Variants in PKN2 observed in about 807,000 individuals in gnomAD.
The protein encoded by PKN2 is protein kinase N2, also known as serine/threonine-protein kinase N2.
In PKN2, 38 loss-of-function variants were observed where a neutral mutation model predicts 119.1. The observed-to-expected ratio is 0.32, with a 90% confidence interval of 0.25 to 0.42. The LOEUF is 0.42. PKN2 is among the 10% of genes least tolerant of loss of function. PKN2 has a pLI of 1.00. For synonymous variants in PKN2, 390 were observed against 384.9 expected (o/e 1.01, Z -0.15); for missense variants, 850 against 1,165.1 (o/e 0.73, Z 3.94).
chr1:88,694,304 AC>A (rs1666445582), intron 1 of PKN2, among the ~76,000 whole-genome samples: 2 of 152,182 alleles, frequency 1.3e-5, no homozygotes, highest in South Asian at 4.1e-4. Flanking sequence ...TCCCCTGGCA[AC>A]CACTGATCTT....
chr1:88,832,796 A>G lies in PKN2; in HGVS notation c.2615A>G (p.Asp872Gly). The G allele has an allele frequency of 6.2e-7, 1 of 1,604,680 alleles. No individual in the cohort carries two copies. The highest frequency in any genetic ancestry group is 1.1e-5 in the South Asian group (1 of 90,196). The change falls in exon 20 of 22, where the codon GAT becomes GGT. Residue 872 changes from aspartate to glycine, a missense_variant. Physicochemically the swap from Asp to Gly is moderately conservative, Grantham distance 94. Coordinates refer to ENST00000370521, the MANE Select transcript of PKN2 (RefSeq NM_006256.4). The stretch of plus-strand genomic sequence containing the variant: ...GAAGTTTTTGACAGTATTGTAAATG[A>G]TGAAGTAAGGTATCCAAGGTTCTTA... Reference protein sequence around the residue: ...EEEVFDSIVNDEVRYPRFLST... With the variant: ...EEEVFDSIVNGEVRYPRFLST...
intron 2 of PKN2, among the ~76,000 whole-genome samples, chr1:88,748,342 T>G (rs1668853574): frequency 6.6e-6 from 1 of 152,220 alleles, no homozygotes; most frequent in South Asian, 2.1e-4. Flanking sequence ...CATAGAATTA[T>G]AAAGTATATA....
chr1:88,687,306 T>A (rs1351903877), intron 1 of PKN2, among the ~76,000 whole-genome samples: 1 of 152,104 alleles, frequency 6.6e-6, no homozygotes, highest in Admixed American at 6.5e-5. Flanking sequence ...TGGCTAGAGG[T>A]TTCAAGGTAT....
intron 3 of PKN2, among the ~76,000 whole-genome samples, chr1:88,766,199 A>G (rs1182834934): frequency 6.6e-6 from 1 of 152,228 alleles, no homozygotes; most frequent in Non-Finnish European, 1.5e-5. Flanking sequence ...CTAGCAAATT[A>G]TAAGCTTCAT....
intron 4 of PKN2, 22 bp downstream of exon 4, chr1:88,770,491 C>T (rs1458056522): frequency 1.6e-6 from 2 of 1,242,186 alleles, no homozygotes; most frequent in East Asian, 2.3e-5. Context: ...AATTGTCCTC[C>T]TTCTTATGAG....
intron 2 of PKN2, among the ~76,000 whole-genome samples, chr1:88,752,346 T>C (rs1008045169): frequency 1.3e-5 from 2 of 152,120 alleles, no homozygotes; most frequent in African/African-American, 4.8e-5. Flanking sequence ...ACCCCTTGCA[T>C]TTAGCTTTAC....
chr1:88,785,962 A>G, intron 7 of PKN2, 142 bp from the exon 8 acceptor site: 1 of 571,164 alleles, frequency 1.8e-6, no homozygotes, highest in Admixed American at 3.2e-5. Context: ...CTAGCCATTT[A>G]AGATTCAAAA....
chr1:88,704,048 G>A (rs1666873843), intron 1 of PKN2, among the ~76,000 whole-genome samples: 1 of 151,906 alleles, frequency 6.6e-6, no homozygotes, highest in South Asian at 2.1e-4. Context: ...TGATAAGCTT[G>A]ACATGCTGAT....
chr1:88,785,122 A>G (rs1300505907), intron 7 of PKN2, among the ~76,000 whole-genome samples: 1 of 152,150 alleles, frequency 6.6e-6, no homozygotes, highest in Non-Finnish European at 1.5e-5. Flanking sequence ...CTTCTTGTAG[A>G]ATCGTATCTT....
intron 1 of PKN2, among the ~76,000 whole-genome samples, chr1:88,718,828 C>T (rs906915642): frequency 1.3e-5 from 2 of 151,996 alleles, no homozygotes; most frequent in Admixed American, 1.3e-4. Context: ...CATTTCTTCC[C>T]TGTTTATTAT....
At chr1:88,684,682 C>T (rs991369616) in intron 1 of PKN2, 54 bp downstream of exon 1, 34 of 1,427,592 alleles carry the variant, frequency 2.4e-5, no homozygotes, top group Admixed American at 5.8e-5. Context: ...GGGAGAGAGC[C>T]CCGCGCGGCG....
intron 15 of PKN2, 28 bp from the exon 16 acceptor site, chr1:88,813,526 TCTG>T: frequency 7.1e-7 from 1 of 1,410,906 alleles, no homozygotes; most frequent in Non-Finnish European, 9.6e-7. Flanking sequence ...TTATTTTTAA[TCTG>T]CTTATTTTAA....
intron 15 of PKN2, among the ~76,000 whole-genome samples, chr1:88,813,349 A>T (rs1671855228): frequency 6.6e-6 from 1 of 152,174 alleles, no homozygotes; most frequent in African/African-American, 2.4e-5. Context: ...ATAATCTTTT[A>T]AAGTTTCTAT....
At chr1:88,698,336 A>G (rs1666623376) in intron 1 of PKN2, among the ~76,000 whole-genome samples, 1 of 152,026 alleles carries the variant, frequency 6.6e-6, no homozygotes, top group African/African-American at 2.4e-5. Context: ...TCACTCAAGG[A>G]CCCCCCTGTA....
chr1:88,697,690 G>T (rs1337762745), intron 1 of PKN2, among the ~76,000 whole-genome samples: 1 of 152,032 alleles, frequency 6.6e-6, no homozygotes, highest in Non-Finnish European at 1.5e-5. Flanking sequence ...TGTCATTGTT[G>T]TAGCCCCAAA....
intron 3 of PKN2, 57 bp from the exon 4 acceptor site, chr1:88,770,295 A>G: frequency 1.0e-6 from 1 of 993,132 alleles, no homozygotes. Flanking sequence ...AGAAGATAGG[A>G]AAATGTTTCA....
chr1:88,718,799 C>A (rs1667555951), intron 1 of PKN2, among the ~76,000 whole-genome samples: 1 of 152,186 alleles, frequency 6.6e-6, no homozygotes, highest in Admixed American at 6.5e-5. Flanking sequence ...GGATAGCTTT[C>A]CCCCTTTAGT....
intron 8 of PKN2, among the ~76,000 whole-genome samples, chr1:88,796,059 C>T (rs746807415): frequency 6.6e-5 from 10 of 152,160 alleles, no homozygotes; most frequent in East Asian, 3.8e-4. Flanking sequence ...TGCATGCATA[C>T]GCAAGGCAGT....
At chr1:88,791,875 A>G (rs920277091) in intron 8 of PKN2, among the ~76,000 whole-genome samples, 2 of 152,244 alleles carry the variant, frequency 1.3e-5, no homozygotes, top group Non-Finnish European at 2.9e-5. Flanking sequence ...AGAAAAGGAT[A>G]AAAATGCATG....
Sources: allele counts gnomAD v4.1 joint callset (sites outside exome capture counted in the v4.1 genomes callset), GRCh38; gene constraint gnomAD v4.1.1; transcripts MANE v1.5; gene names NCBI Gene and HGNC (gene_info 2026-07-23, HGNC 2026-07-21).